SLC5A4: variants seen among roughly 807,000 people sequenced by gnomAD.
The protein encoded by SLC5A4 is probable glucose sensor protein SLC5A4.
In SLC5A4, 55 loss-of-function variants were observed where a neutral mutation model predicts 70.3. The ratio of observed to expected loss-of-function variants is 0.78; its 90% CI spans 0.63 to 0.98. The LOEUF is 0.98. Ranked by LOEUF, SLC5A4 falls within the 50% of genes least tolerant of loss-of-function variation. SLC5A4 has a pLI of 0.00. For missense variants in SLC5A4, 735 were observed against 839.2 expected, an observed-to-expected ratio of 0.88 and a Z score of 1.53; for synonymous variants, 268 against 305.7, an observed-to-expected ratio of 0.88 and a Z score of 1.29.
chr22:32,330,828 G>A, the SLC5A4 span, among the ~76,000 whole-genome samples: 48 of 81,280 alleles, frequency 5.9e-4, no homozygotes, highest in East Asian at 2.3e-3. Context: ...AGGCTCTGGT[G>A]TGTGTGTGTG....
At chr22:32,329,611 T>TGGA in the SLC5A4 span, among the ~76,000 whole-genome samples, 3 of 50,662 alleles carry the variant, frequency 5.9e-5, no homozygotes, top group African/African-American at 8.6e-5. Context: ...GTGTGTGTGT[T>TGGA]GGCTCTGGTG....
chr22:32,249,295 A>G (rs1927010202), intron 3 of SLC5A4, among the ~76,000 whole-genome samples: 1 of 152,212 alleles, frequency 6.6e-6, no homozygotes, highest in African/African-American at 2.4e-5. Flanking sequence ...CAGATATGAG[A>G]AGCACAGTTA....
At chr22:32,272,053 C>A in the SLC5A4 span, 1 of 642,200 alleles carries the variant, frequency 1.6e-6, no homozygotes, top group Non-Finnish European at 2.9e-6. Context: ...TGCTGGGAGG[C>A]TATTCCCAAT....
At chr22:32,256,631 A>G (rs959469482), upstream of SLC5A4, among the ~76,000 whole-genome samples, 1 of 152,060 alleles carries the variant, frequency 6.6e-6, no homozygotes, top group African/African-American at 2.4e-5. Flanking sequence ...TTACTATATA[A>G]ATTTGCCTAT....
chr22:32,271,893 A>G, the SLC5A4 span: 3 of 586,230 alleles, frequency 5.1e-6, no homozygotes, highest in East Asian at 8.6e-5. Context: ...GTGGAGTCCA[A>G]GATGTACGCT....
chr22:32,347,544 T>C, the SLC5A4 span, among the ~76,000 whole-genome samples: 10 of 152,160 alleles, frequency 6.6e-5, no homozygotes, highest in Admixed American at 6.5e-4. Context: ...GATGAGTTCA[T>C]GTCCTTTGTA....
chr22:32,303,519 G>A, the SLC5A4 span, among the ~76,000 whole-genome samples: 1 of 152,196 alleles, frequency 6.6e-6, no homozygotes, highest in Non-Finnish European at 1.5e-5. Flanking sequence ...AGGACTTTGA[G>A]TTCTGTCTGT....
At chr22:32,331,720 G>C in the SLC5A4 span, among the ~76,000 whole-genome samples, 1 of 152,070 alleles carries the variant, frequency 6.6e-6, no homozygotes, top group Admixed American at 6.5e-5. Context: ...GGAAGCAAGG[G>C]ACATCGCAGG....
At chr22:32,223,394 C>T (rs1189747105) in intron 13 of SLC5A4, among the ~76,000 whole-genome samples, 1 of 152,204 alleles carries the variant, frequency 6.6e-6, no homozygotes, top group Non-Finnish European at 1.5e-5. Context: ...AAAATCTACG[C>T]ACTCTCCAAC....
chr22:32,234,882 G>A lies in SLC5A4; in HGVS notation c.876C>T (p.Cys292=), dbSNP rs1485089222. The stretch of plus-strand genomic sequence containing the variant: ...TATACATATACTTCACCTGATTTGT[G>A]CACCAGTACCACAAAGCTGTAATGG... ...GMPITALWYW[C]TNQVIVQRCL... is the part of the protein sequence containing the mutation. Residue 292 remains cysteine (C), a synonymous_variant, in exon 8 of 15, where the codon TGC becomes TGT. Coordinates refer to ENST00000266086, the MANE Select transcript of SLC5A4 (RefSeq NM_014227.3). 6.2e-7 allele frequency: 1 copy of A among 1,609,802 alleles called. No homozygotes were observed. The highest frequency in any genetic ancestry group is 8.5e-7 in the Non-Finnish European group (1 of 1,177,284).
chr22:32,344,615 C>T, the SLC5A4 span, among the ~76,000 whole-genome samples: 23 of 152,124 alleles, frequency 1.5e-4, no homozygotes, highest in Non-Finnish European at 2.6e-4. Context: ...CTTTTTGTAG[C>T]GATTGGCAGA....
the SLC5A4 span, among the ~76,000 whole-genome samples, chr22:32,332,014 C>T: frequency 1.3e-5 from 2 of 152,092 alleles, no homozygotes; most frequent in African/African-American, 4.8e-5. Flanking sequence ...CCTCCTTGGA[C>T]CCCCACCTCC....
At chr22:32,305,455 G>A in the SLC5A4 span, among the ~76,000 whole-genome samples, 4 of 149,038 alleles carry the variant, frequency 2.7e-5, 1 homozygote, top group African/African-American at 7.5e-5. Context: ...ATCGGATGAC[G>A]AGACCTCTCT....
chr22:32,277,634 G>C, the SLC5A4 span, among the ~76,000 whole-genome samples: 1 of 152,018 alleles, frequency 6.6e-6, no homozygotes, highest in Non-Finnish European at 1.5e-5. Context: ...TACAACCTCC[G>C]CTTCCCGGGT....
At chr22:32,276,294 T>G in the SLC5A4 span, among the ~76,000 whole-genome samples, 1 of 152,242 alleles carries the variant, frequency 6.6e-6, no homozygotes, top group Admixed American at 6.5e-5. Context: ...TAATCTGAGC[T>G]ATCAATGAAT....
chr22:32,271,707 G>T, the SLC5A4 span: 5 of 570,716 alleles, frequency 8.8e-6, no homozygotes, highest in African/African-American at 6.4e-5. Flanking sequence ...GGCATCAATG[G>T]CCCTGTCAAC....
At chr22:32,306,949 C>T in the SLC5A4 span, among the ~76,000 whole-genome samples, 3 of 152,204 alleles carry the variant, frequency 2.0e-5, no homozygotes, top group Admixed American at 2.0e-4. Context: ...CAGTTGTGGC[C>T]AGGGTGGCCA....
the SLC5A4 span, among the ~76,000 whole-genome samples, chr22:32,347,826 G>C: frequency 6.6e-5 from 10 of 151,428 alleles, no homozygotes; most frequent in Non-Finnish European, 1.0e-4. Context: ...TGCATGTTGT[G>C]CACATGTACC....
intron 11 of SLC5A4, among the ~76,000 whole-genome samples, chr22:32,227,559 C>T (rs1925476218): frequency 6.6e-6 from 1 of 152,214 alleles, no homozygotes; most frequent in Non-Finnish European, 1.5e-5. Flanking sequence ...TATCTTACTA[C>T]AGTGGAACAT....
Sources: allele counts gnomAD v4.1 joint callset (sites outside exome capture counted in the v4.1 genomes callset), GRCh38; gene constraint gnomAD v4.1.1; transcripts MANE v1.5; gene names NCBI Gene and HGNC (gene_info 2026-07-23, HGNC 2026-07-21).